Variants in ALKAL1 observed in about 807,000 individuals in gnomAD.
The protein encoded by ALKAL1 is AUG-beta.
A neutral mutation model predicts 13.5 loss-of-function variants in ALKAL1; 23 were observed. The ratio of observed to expected loss-of-function variants is 1.70; its 90% CI spans 1.23 to 2.41. The LOEUF (loss-of-function observed/expected upper bound fraction) is 2.41. Ranked by LOEUF, ALKAL1 falls within the 30% of genes most tolerant of loss-of-function variation. ALKAL1 has a pLI of 0.00. For missense variants in ALKAL1, 181 were observed against 178.4 expected, an observed-to-expected ratio of 1.01 and a Z score of -0.08; for synonymous variants, 85 against 77.7, an observed-to-expected ratio of 1.09 and a Z score of -0.49.
intron 1 of ALKAL1, among the ~76,000 whole-genome samples, chr8:52,559,922 CAA>C (rs1261764316): frequency 6.6e-6 from 1 of 151,974 alleles, no homozygotes; most frequent in Non-Finnish European, 1.5e-5. Context: ...AAGAAACCTG[CAA>C]AGTTTCTTTT....
At chr8:52,559,121 C>T (rs1847514095) in intron 1 of ALKAL1, among the ~76,000 whole-genome samples, 1 of 152,116 alleles carries the variant, frequency 6.6e-6, no homozygotes, top group African/African-American at 2.4e-5. Context: ...AGGGATCCAC[C>T]CCCATGACCC....
chr8:52,545,324 T>C (rs1308606830), intron 1 of ALKAL1, among the ~76,000 whole-genome samples: 1 of 152,196 alleles, frequency 6.6e-6, no homozygotes, highest in East Asian at 1.9e-4. Context: ...AAGTCATCCC[T>C]CTGAGGCTCA....
At position 52,565,304 on chromosome 8, in the gene ALKAL1, C is replaced by G. The variant is rs1297432390; in HGVS notation, c.-48G>C. On this transcript the variant is annotated 5_prime_UTR_variant, in exon 1 of 5. Coordinates refer to ENST00000358543, the MANE Select transcript of ALKAL1 (RefSeq NM_207413.4). ...GCGGGAGACTCCGGGAGGATCCCGA[C>G]GCAGGTCCGGAGGGTGCGCGGCCCA... 2 of 1,256,136 alleles carry G rather than the reference C, an allele frequency of 1.6e-6. No individual in the cohort carries two copies. Among genetic ancestry groups the G allele is most frequent in the Admixed American group, 4.2e-5 (1 of 23,834 alleles). The allele number at this position is 1,256,136 out of a possible 1,614,324, so 77.8% of individuals were successfully genotyped here. A position where few individuals can be genotyped will look rare whatever the true frequency, so the allele number is the denominator to read the frequency against.
At chr8:52,539,764 A>C in intron 3 of ALKAL1, 67 bp downstream of exon 3, 5 of 1,183,166 alleles carry the variant, frequency 4.2e-6, no homozygotes, top group Non-Finnish European at 6.1e-6. Flanking sequence ...CAGACATTTG[A>C]AGTTTAAAAT....
intron 1 of ALKAL1, among the ~76,000 whole-genome samples, chr8:52,550,925 G>A (rs1590868267): frequency 6.6e-6 from 1 of 152,250 alleles, no homozygotes; most frequent in East Asian, 1.9e-4. Context: ...CACACTCTGA[G>A]GCACTAGGGG....
At chr8:52,538,043 C>A (rs923831842) in intron 4 of ALKAL1, among the ~76,000 whole-genome samples, 3 of 150,856 alleles carry the variant, frequency 2.0e-5, no homozygotes, top group Non-Finnish European at 4.4e-5. Context: ...TTGCAGAGAT[C>A]GCGCCACTGC....
intron 1 of ALKAL1, among the ~76,000 whole-genome samples, chr8:52,563,681 T>C (rs1252914357): frequency 1.3e-5 from 2 of 152,198 alleles, no homozygotes; most frequent in African/African-American, 2.4e-5. Flanking sequence ...GTGTGCACCA[T>C]TGCTGCATGG....
intron 2 of ALKAL1, among the ~76,000 whole-genome samples, chr8:52,540,398 T>C (rs1360773418): frequency 6.6e-6 from 1 of 152,140 alleles, no homozygotes; most frequent in Non-Finnish European, 1.5e-5. Flanking sequence ...AGAAGTCCCT[T>C]GTCTCTCCCT....
chr8:52,538,216 A>G (rs1847280690), intron 4 of ALKAL1, among the ~76,000 whole-genome samples: 1 of 152,134 alleles, frequency 6.6e-6, no homozygotes, highest in East Asian at 1.9e-4. Context: ...GGTTAACCAT[A>G]ATTCATTGTA....
At chr8:52,536,200 A>G (rs1280335022) in intron 4 of ALKAL1, among the ~76,000 whole-genome samples, 1 of 152,152 alleles carries the variant, frequency 6.6e-6, no homozygotes, top group African/African-American at 2.4e-5. Context: ...CGGCGTCCCA[A>G]AGTGCTGGGA....
chr8:52,550,655 T>G (rs1847420157), intron 1 of ALKAL1, among the ~76,000 whole-genome samples: 1 of 152,156 alleles, frequency 6.6e-6, no homozygotes, highest in African/African-American at 2.4e-5. Context: ...CCATGCTTTC[T>G]CTGAAGTCTT....
intron 1 of ALKAL1, among the ~76,000 whole-genome samples, chr8:52,562,333 C>G (rs1423503491): frequency 6.6e-6 from 1 of 152,128 alleles, no homozygotes; most frequent in Admixed American, 6.6e-5. Flanking sequence ...ACATCGCAGG[C>G]AGGAATTATG....
At chr8:52,559,033 ACAACTAGCTCT>A (rs1218848833) in intron 1 of ALKAL1, among the ~76,000 whole-genome samples, 1 of 152,086 alleles carries the variant, frequency 6.6e-6, no homozygotes, top group Non-Finnish European at 1.5e-5. Context: ...GCTCTTTTTA[ACAACTAGCTCT>A]CAAGAAAAGT....
Position 52,565,304 on chromosome 8 carries a change from C to T in ALKAL1, c.-48G>A, listed in dbSNP as rs1297432390. The T allele has an allele frequency of 4.8e-6, 6 of 1,256,138 alleles. No homozygotes were observed. In the African/African-American group the frequency reaches 9.3e-5, roughly 20 times the overall value. 77.8% of individuals were successfully genotyped at this position (1,256,138 alleles called of 1,614,324 possible). ...GCGGGAGACTCCGGGAGGATCCCGA[C>T]GCAGGTCCGGAGGGTGCGCGGCCCA... is the stretch of plus-strand genomic sequence containing the variant. On this transcript the variant is annotated 5_prime_UTR_variant, in exon 1 of 5. Transcript: ENST00000358543.
intron 1 of ALKAL1, among the ~76,000 whole-genome samples, chr8:52,549,443 T>C (rs898504287): frequency 6.7e-6 from 1 of 149,558 alleles, no homozygotes; most frequent in Admixed American, 6.7e-5. Flanking sequence ...TTAAATATAG[T>C]ATATATATTA....
In ALKAL1 at chr8:52,565,121, G is replaced by A. The variant is rs573676247; in HGVS notation, c.136C>T (p.Leu46Phe). The change falls in exon 1 of 5, where the codon CTT becomes TTT. Residue 46 changes from leucine to phenylalanine, a missense_variant. Leu to Phe is a conservative substitution (Grantham distance 22). Transcript: ENST00000358543. ...CCGGCCCCGGCCGCGGGGAGGAAAA[G>A]CAACGGCTTGGGCTCCTTATCCGTG... ...RVTDKEPKPLLFLPAAGAGRT... is the reference protein window; with the variant it reads ...RVTDKEPKPLFFLPAAGAGRT... 2.5e-5 allele frequency: 36 copies of A among 1,415,648 alleles called. No homozygotes were observed. The highest frequency in any genetic ancestry group is 3.2e-5 in the Non-Finnish European group (34 of 1,078,518). The allele number at this position is 1,415,648 out of a possible 1,614,324, so 87.7% of individuals were successfully genotyped here.
At chr8:52,539,950 C>T in intron 2 of ALKAL1, 39 bp from the exon 3 acceptor site, 1 of 1,571,978 alleles carries the variant, frequency 6.4e-7, no homozygotes, top group Non-Finnish European at 8.7e-7. Flanking sequence ...TAAACATAGG[C>T]ATGTTTTCCA....
chr8:52,539,953 G>A, intron 2 of ALKAL1, 42 bp from the exon 3 acceptor site: 1 of 1,562,400 alleles, frequency 6.4e-7, no homozygotes, highest in Non-Finnish European at 8.8e-7. Context: ...ACATAGGCAT[G>A]TTTTCCAAAC....
chr8:52,544,921 ATT>A (rs1421745268), intron 1 of ALKAL1, among the ~76,000 whole-genome samples: 2 of 152,100 alleles, frequency 1.3e-5, no homozygotes, highest in African/African-American at 4.8e-5. Flanking sequence ...TAATAAATAA[ATT>A]TTGTTTTTTT....
Sources: gnomAD v4.1 joint callset for allele counts (sites outside exome capture counted in the v4.1 genomes callset) on GRCh38, gnomAD v4.1.1 for gene constraint, MANE v1.5 for transcripts, NCBI Gene and HGNC (gene_info 2026-07-23, HGNC 2026-07-21) for gene names.